Variants in RP1 observed in about 807,000 individuals in gnomAD.
The protein encoded by RP1 is oxygen-regulated protein 1.
In RP1, 16 loss-of-function variants were observed where a neutral mutation model predicts 14.8. That is an observed-to-expected ratio of 1.08 (90% CI 0.73 to 1.65). The LOEUF is 1.65. RP1 is among the 40% of genes most tolerant of loss of function. RP1 has a pLI of 0.00. For missense variants in RP1, 2,631 were observed against 2,535.0 expected, an observed-to-expected ratio of 1.04 and a Z score of -0.81; for synonymous variants, 876 against 883.6, an observed-to-expected ratio of 0.99 and a Z score of 0.15.
At chr8:54,640,009 A>T (rs1806425317) in intron 3 of RP1, among the ~76,000 whole-genome samples, 1 of 152,060 alleles carries the variant, frequency 6.6e-6, no homozygotes, top group African/African-American at 2.4e-5. Context: ...TTATCTAAGA[A>T]ATCTCTGCCT....
chr8:54,824,650 C>G (rs893696865), intron 24 of RP1, among the ~76,000 whole-genome samples: 3 of 152,086 alleles, frequency 2.0e-5, no homozygotes, highest in Admixed American at 6.5e-5. Context: ...AGTATAGATA[C>G]AAAAGTCCTT....
chr8:54,673,954 T>C lies in RP1; in HGVS notation c.1402+26T>C, dbSNP rs532614786. On this transcript the variant is annotated intron_variant, in intron 8 of 22. Coordinates refer to the RP1 transcript ENST00000636932. ...GTAAGACTCTTCCACAGAGAGTTCA[T>C]GAAGGTCTGATTCCATTCTGTTTAT... 159 of 1,488,888 alleles carry C rather than the reference T, an allele frequency of 1.1e-4. No homozygotes were observed. In the African/African-American group the frequency reaches 2.1e-3, roughly 19 times the overall value. 92.2% of individuals were successfully genotyped at this position (1,488,888 alleles called of 1,614,324 possible). A position where few individuals can be genotyped will look rare whatever the true frequency, so the allele number is the denominator to read the frequency against.
intron 5 of RP1, among the ~76,000 whole-genome samples, chr8:54,655,799 C>T (rs1039282071): frequency 4.6e-5 from 7 of 152,104 alleles, no homozygotes; most frequent in Non-Finnish European, 2.9e-5. Context: ...GGGAGGATCA[C>T]TTCAGCCTAG....
chr8:54,618,580 A>G (rs1348749445), intron 1 of RP1, among the ~76,000 whole-genome samples: 1 of 152,204 alleles, frequency 6.6e-6, no homozygotes, highest in East Asian at 1.9e-4. Context: ...TTCATGTACG[A>G]TATTTTCAAA....
chr8:54,660,100 G>A (rs1806853447), intron 6 of RP1, among the ~76,000 whole-genome samples: 1 of 151,974 alleles, frequency 6.6e-6, no homozygotes, highest in Non-Finnish European at 1.5e-5. Flanking sequence ...GGCTTTTAGA[G>A]TTTTCTACAT....
chr8:54,679,860 G>A, exon 12 of RP1: 1 of 1,536,044 alleles, frequency 6.5e-7, no homozygotes, highest in South Asian at 1.2e-5. Flanking sequence ...TCTATAACAA[G>A]CTGACTGGAG....
intron 15 of RP1, among the ~76,000 whole-genome samples, chr8:54,707,427 G>A (rs542097741): frequency 7.9e-5 from 12 of 152,134 alleles, no homozygotes; most frequent in Non-Finnish European, 8.8e-5. Context: ...CCAGACAGGG[G>A]TTTTTCTTTA....
chr8:54,692,817 T>C (rs1451905354), intron 12 of RP1, among the ~76,000 whole-genome samples: 1 of 151,920 alleles, frequency 6.6e-6, no homozygotes, highest in African/African-American at 2.4e-5. Flanking sequence ...AGCTCTTTAG[T>C]TTAATTAGAT....
At chr8:54,684,711 A>G (rs890489592) in intron 12 of RP1, among the ~76,000 whole-genome samples, 2 of 151,690 alleles carry the variant, frequency 1.3e-5, no homozygotes, top group African/African-American at 4.8e-5. Context: ...TTCTTTATTC[A>G]TCTAACTAGT....
At chr8:54,641,164 C>G (rs1806447330) in intron 3 of RP1, among the ~76,000 whole-genome samples, 1 of 152,016 alleles carries the variant, frequency 6.6e-6, no homozygotes, top group Non-Finnish European at 1.5e-5. Flanking sequence ...TCAGGATGGT[C>G]TCGATCTCCT....
intron 24 of RP1, among the ~76,000 whole-genome samples, chr8:54,793,970 G>A (rs868318330): frequency 6.6e-6 from 1 of 151,808 alleles, no homozygotes; most frequent in Admixed American, 6.6e-5. Context: ...CAGTAAAGTT[G>A]CAAGCTACAA....
intron 12 of RP1, chr8:54,696,773 C>A (rs1422808190): frequency 4.1e-6 from 3 of 728,448 alleles, no homozygotes; most frequent in African/African-American, 1.7e-5. Flanking sequence ...AGTCACCCCC[C>A]AGAACCTAAA....
At chr8:54,623,523 T>C (rs1407603769) in intron 3 of RP1, among the ~76,000 whole-genome samples, 1 of 152,046 alleles carries the variant, frequency 6.6e-6, no homozygotes, top group East Asian at 1.9e-4. Flanking sequence ...CAGGCTGTTA[T>C]GATGGGCTCA....
At chr8:54,863,423 T>A (rs1812395100) in intron 27 of RP1, among the ~76,000 whole-genome samples, 1 of 152,194 alleles carries the variant, frequency 6.6e-6, no homozygotes, top group South Asian at 2.1e-4. Context: ...AATGACGCCT[T>A]TCTCAGAATG....
intron 7 of RP1, among the ~76,000 whole-genome samples, chr8:54,667,813 T>A (rs1302842745): frequency 6.6e-6 from 1 of 151,928 alleles, no homozygotes; most frequent in Non-Finnish European, 1.5e-5. Flanking sequence ...AGTGAGTTGT[T>A]AATAACAGGC....
intron 1 of RP1, among the ~76,000 whole-genome samples, chr8:54,617,801 A>G (rs1805757551): frequency 6.6e-6 from 1 of 152,240 alleles, no homozygotes; most frequent in Admixed American, 6.5e-5. Context: ...GGAAATGCAC[A>G]TTATTAAGAC....
intron 28 of RP1, among the ~76,000 whole-genome samples, chr8:54,867,193 A>G: frequency 6.6e-6 from 1 of 152,098 alleles, no homozygotes; most frequent in Non-Finnish European, 1.5e-5. Flanking sequence ...GACTGACTGG[A>G]TTTTACCTTA....
At chr8:54,697,045 C>T (rs371991222) in intron 12 of RP1, 33 of 1,545,666 alleles carry the variant, frequency 2.1e-5, no homozygotes, top group African/African-American at 1.1e-4. Flanking sequence ...TGGCCCGTCA[C>T]GCTACCAAAA....
intron 24 of RP1, among the ~76,000 whole-genome samples, chr8:54,794,386 C>G (rs1810534206): frequency 6.6e-6 from 1 of 151,312 alleles, no homozygotes; most frequent in African/African-American, 2.4e-5. Flanking sequence ...TCAAACGGAA[C>G]AGAATCAAGA....
Sources: gnomAD v4.1 joint callset for allele counts (sites outside exome capture counted in the v4.1 genomes callset) on GRCh38, gnomAD v4.1.1 for gene constraint, MANE v1.5 for transcripts, NCBI Gene and HGNC (gene_info 2026-07-23, HGNC 2026-07-21) for gene names.